Variants in CFAP77 observed in about 807,000 individuals in gnomAD.
CFAP77 encodes cilia and flagella associated protein 77.
In CFAP77, 25 loss-of-function variants were observed where a neutral mutation model predicts 31.1. The observed-to-expected ratio is 0.80, with a 90% CI of 0.59 to 1.12. CFAP77 has a LOEUF of 1.12. CFAP77 is among the 50% of genes most tolerant of loss of function. The pLI is 0.00. For missense variants in CFAP77, 377 were observed against 397.3 expected (o/e 0.95, Z 0.44); for synonymous variants, 151 against 159.9 (o/e 0.94, Z 0.42).
intron 1 of CFAP77, among the ~76,000 whole-genome samples, chr9:132,438,532 TATATATATA>T (rs1428063430): frequency 3.4e-5 from 4 of 118,176 alleles, no homozygotes; most frequent in African/African-American, 1.2e-4. Context: ...TATATATATA[TATATATATA>T]TTTTTTTTTT....
intron 5 of CFAP77, among the ~76,000 whole-genome samples, chr9:132,560,663 A>C (rs1002444670): frequency 3.9e-5 from 6 of 152,188 alleles, no homozygotes; most frequent in Admixed American, 3.3e-4. Context: ...ACAGCTCTGC[A>C]TTCCAGTTGG....
At chr9:132,460,209 T>TC (rs1203447035) in intron 1 of CFAP77, among the ~76,000 whole-genome samples, 3 of 152,122 alleles carry the variant, frequency 2.0e-5, no homozygotes, top group African/African-American at 4.8e-5. Flanking sequence ...CTTCCCCAGT[T>TC]CCCGGGCAGT....
chr9:132,426,405 G>A (rs1646201971), intron 1 of CFAP77, among the ~76,000 whole-genome samples: 1 of 152,126 alleles, frequency 6.6e-6, no homozygotes, highest in Non-Finnish European at 1.5e-5. Flanking sequence ...GTTTCCACCT[G>A]CAACCCAAGT....
intron 3 of CFAP77, 66 bp from the exon 4 acceptor site, chr9:132,537,535 C>A: frequency 8.4e-7 from 1 of 1,186,816 alleles, no homozygotes; most frequent in Non-Finnish European, 1.2e-6. Context: ...CGGGGGCGGG[C>A]GGTGGGGAGC....
chr9:132,410,214 C>A lies in CFAP77; in HGVS notation c.-58C>A. ...GCCCTTCGGAGCTCCAGGCTGTGCC[C>A]GACGTGGGGAAGCGCGCCCAAACCA... On this transcript the variant is annotated 5_prime_UTR_variant, in exon 1 of 6. Coordinates refer to ENST00000393216, the MANE Select transcript of CFAP77 (RefSeq NM_001282957.2). 7.6e-6 allele frequency: 11 copies of A among 1,438,508 alleles called. No homozygotes were observed. The highest frequency in any genetic ancestry group is 1.0e-5 in the Non-Finnish European group (11 of 1,078,246). 89.1% of individuals were successfully genotyped at this position (1,438,508 alleles called of 1,614,324 possible).
At chr9:132,453,376 A>G (rs1263874556) in intron 1 of CFAP77, among the ~76,000 whole-genome samples, 4 of 149,746 alleles carry the variant, frequency 2.7e-5, no homozygotes, top group African/African-American at 1.0e-4. Flanking sequence ...ATACAAAAAA[A>G]TTAGCTGGGC....
rs907434594 is a variant in CFAP77, at chr9:132,554,079, G to A, written c.732+11032G>A. On this transcript the variant is annotated intron_variant, in intron 5 of 5. Coordinates refer to ENST00000393216, the MANE Select transcript of CFAP77 (RefSeq NM_001282957.2). The surrounding 1 kb of genome is among the most constrained non-coding windows in gnomAD (Gnocchi z 4.1). ...AGTATGACCCTTACTTTGCAGGTGAGAAACTGAGGCCCCTGGTCACACAGC... is the reference window on the plus strand; with the variant it reads ...AGTATGACCCTTACTTTGCAGGTGAAAAACTGAGGCCCCTGGTCACACAGC... Among the ~76,000 whole-genome samples, 2 of 152,224 alleles carry A rather than the reference G, an allele frequency of 1.3e-5. No homozygotes were observed. Among genetic ancestry groups the A allele is most frequent in the African/African-American group, 4.8e-5 (2 of 41,450 alleles).
At position 132,480,550 on chromosome 9, in the gene CFAP77, T is replaced by TCTGTC. The variant is rs1180710152; in HGVS notation, c.196-18143_196-18139dup. Among the ~76,000 whole-genome samples, 1 of 152,072 alleles carries TCTGTC rather than the reference T, an allele frequency of 6.6e-6. No individual in the cohort carries two copies. Among genetic ancestry groups the TCTGTC allele is most frequent in the African/African-American group, 2.4e-5 (1 of 41,398 alleles). On this transcript the variant is annotated intron_variant, in intron 1 of 5. Transcript: ENST00000393216. This position sits in a 1 kb window ranked among gnomAD's most constrained non-coding sequence, Gnocchi z 5.8. ...GAGACGCCACAGCAAATGAGACAGGTCTGTCCCGTGCTCACCCAGCTGACC... is the reference window on the plus strand; with the variant it reads ...GAGACGCCACAGCAAATGAGACAGGTCTGTCCTGTCCCGTGCTCACCCAGCTGACC...
intron 4 of CFAP77, among the ~76,000 whole-genome samples, chr9:132,540,257 A>G (rs1356420965): frequency 6.6e-6 from 1 of 152,058 alleles, no homozygotes; most frequent in African/African-American, 2.4e-5. Flanking sequence ...ATTAGCAGGT[A>G]TTTCACGCAT....
intron 1 of CFAP77, among the ~76,000 whole-genome samples, chr9:132,496,215 C>A (rs787899): frequency 0.2 from 30,220 of 150,822 alleles, 3,636 homozygotes; most frequent in African/African-American, 0.34. Flanking sequence ...TTAAAAAAAA[C>A]CTTAAAAAAT....
intron 1 of CFAP77, among the ~76,000 whole-genome samples, chr9:132,415,272 CT>C (rs1221776532): frequency 6.6e-6 from 1 of 152,114 alleles, no homozygotes. Context: ...CCTCGTGGCC[CT>C]TTTTTCCTTT....
intron 5 of CFAP77, among the ~76,000 whole-genome samples, chr9:132,559,557 T>C (rs193294487): frequency 4.6e-5 from 7 of 151,932 alleles, no homozygotes; most frequent in Admixed American, 3.3e-4. Flanking sequence ...TATGGAGAAA[T>C]TGGAACACCC....
chr9:132,507,670 T>A (rs1213833570), intron 3 of CFAP77, among the ~76,000 whole-genome samples: 1 of 152,056 alleles, frequency 6.6e-6, no homozygotes, highest in Admixed American at 6.5e-5. Context: ...TTCTCCTGGA[T>A]CCGATGGCCA....
At chr9:132,523,248 C>T (rs999800146) in intron 3 of CFAP77, among the ~76,000 whole-genome samples, 2 of 152,200 alleles carry the variant, frequency 1.3e-5, no homozygotes, top group Non-Finnish European at 2.9e-5. Flanking sequence ...CCACCATGCC[C>T]GGTTAATTTT....
chr9:132,464,253 A>G (rs1199862502), intron 1 of CFAP77, among the ~76,000 whole-genome samples: 1 of 152,160 alleles, frequency 6.6e-6, no homozygotes, highest in African/African-American at 2.4e-5. Context: ...GCCGTGGGCC[A>G]GATACAGGGC....
intron 1 of CFAP77, among the ~76,000 whole-genome samples, chr9:132,428,820 C>CG (rs397738284): frequency 6.6e-6 from 1 of 152,014 alleles, no homozygotes. Context: ...AGACCCCCCC[C>CG]TGCTCTGCGT....
chr9:132,565,734 C>T lies in CFAP77; in HGVS notation c.733-6654C>T, dbSNP rs1829877237. The stretch of plus-strand genomic sequence containing the variant: ...AGATGTCTCCCTGGGTCCATGTGGG[C>T]TCTGCCTTCCTGGCAGGTGTGTTTC... On this transcript the variant is annotated intron_variant, in intron 5 of 5. Transcript: ENST00000393216. The surrounding 1 kb of genome is among the most constrained non-coding windows in gnomAD (Gnocchi z 4.1). Among the ~76,000 whole-genome samples, 1 of 152,172 alleles carries T rather than the reference C, an allele frequency of 6.6e-6. No homozygotes were observed. Among genetic ancestry groups the T allele is most frequent in the South Asian group, 2.1e-4 (1 of 4,828 alleles).
chr9:132,561,805 C>T (rs1010463036), intron 5 of CFAP77, among the ~76,000 whole-genome samples: 1 of 152,184 alleles, frequency 6.6e-6, no homozygotes, highest in South Asian at 2.1e-4. Context: ...AACCCCCCAC[C>T]TGTGGCAGAG....
chr9:132,484,414 T>G (rs937846612), intron 1 of CFAP77, among the ~76,000 whole-genome samples: 3 of 152,220 alleles, frequency 2.0e-5, no homozygotes, highest in Non-Finnish European at 4.4e-5. Flanking sequence ...TCCCTCCAGC[T>G]GCAGGCAACC....
Sources: allele counts gnomAD v4.1 joint callset (sites outside exome capture counted in the v4.1 genomes callset), GRCh38; gene constraint gnomAD v4.1.1; non-coding constraint Gnocchi (gnomAD v3.1); transcripts MANE v1.5; gene names NCBI Gene and HGNC (gene_info 2026-07-23, HGNC 2026-07-21).